SRD5A2: variants seen among roughly 807,000 people sequenced by gnomAD.
SRD5A2 encodes steroid 5 alpha-reductase 2, also known as 3-oxo-5-alpha-steroid 4-dehydrogenase 2.
In SRD5A2, 30 loss-of-function variants were observed where a neutral mutation model predicts 27.4. The observed-to-expected ratio is 1.10, with a 90% CI of 0.82 to 1.49. SRD5A2 has a LOEUF of 1.49. SRD5A2 is among the 40% of genes most tolerant of loss of function. The pLI, the probability that SRD5A2 is intolerant of heterozygous loss-of-function variation, is 0.00. For synonymous variants in SRD5A2, 141 were observed against 133.6 expected (o/e 1.06, Z -0.38); for missense variants, 348 against 323.4 (o/e 1.08, Z -0.58).
At chr2:31,619,782 G>A in the SRD5A2 span, among the ~76,000 whole-genome samples, 1 of 151,674 alleles carries the variant, frequency 6.6e-6, no homozygotes, top group South Asian at 2.1e-4. Flanking sequence ...TTTTTTATGG[G>A]GTTGTTTGTT....
the SRD5A2 span, among the ~76,000 whole-genome samples, chr2:31,658,487 G>A: frequency 1.3e-5 from 2 of 151,652 alleles, no homozygotes; most frequent in East Asian, 3.9e-4. Context: ...TAAAGAAAAG[G>A]AGAAAGAAGA....
intron 1 of SRD5A2, among the ~76,000 whole-genome samples, chr2:31,547,570 T>C (rs1456127205): frequency 6.6e-6 from 1 of 152,274 alleles, no homozygotes; most frequent in Non-Finnish European, 1.5e-5. Context: ...ACATGGGCTA[T>C]ATACCATGGT....
chr2:31,579,949 G>C (rs1231082306), intron 1 of SRD5A2, among the ~76,000 whole-genome samples: 1 of 152,226 alleles, frequency 6.6e-6, no homozygotes, highest in African/African-American at 2.4e-5. Flanking sequence ...TGGAAAGGTA[G>C]ATGAATTGGT....
the SRD5A2 span, among the ~76,000 whole-genome samples, chr2:31,661,692 T>C: frequency 4.6e-5 from 7 of 152,202 alleles, no homozygotes; most frequent in Non-Finnish European, 8.8e-5. Flanking sequence ...TCCAAGACTC[T>C]TGGATCATAG....
the SRD5A2 span, among the ~76,000 whole-genome samples, chr2:31,589,163 G>C: frequency 6.6e-6 from 1 of 152,118 alleles, no homozygotes; most frequent in East Asian, 1.9e-4. Flanking sequence ...AACAGATTTA[G>C]GATGCCAAGC....
Position 31,526,104 on chromosome 2 carries a change from C to T in SRD5A2, c.*92G>A, listed in dbSNP as rs1055645201. On this transcript the variant is annotated 3_prime_UTR_variant, in exon 5 of 5. Transcript: ENST00000622030. ...CAGGAGACCTACTATTACATATATA[C>T]GGGACTATTATATCATGAAAATTAC... The T allele has an allele frequency of 2.7e-4, 217 of 797,392 alleles. 8 individuals are homozygous for T. Among genetic ancestry groups the T allele is most frequent in the African/African-American group, 1.7e-3 (90 of 51,730 alleles). 49.4% of individuals were successfully genotyped at this position (797,392 alleles called of 1,614,324 possible).
chr2:31,586,503 A>T, the SRD5A2 span, among the ~76,000 whole-genome samples: 6 of 151,988 alleles, frequency 3.9e-5, no homozygotes, highest in East Asian at 1.9e-4. Flanking sequence ...TGGTGTCCTC[A>T]GGGGTGCTGG....
chr2:31,596,668 CA>C, the SRD5A2 span, among the ~76,000 whole-genome samples: 1 of 152,080 alleles, frequency 6.6e-6, no homozygotes, highest in Non-Finnish European at 1.5e-5. Context: ...TTAATGTCCA[CA>C]AATCAGTAGC....
chr2:31,593,353 C>T, the SRD5A2 span, among the ~76,000 whole-genome samples: 1 of 151,962 alleles, frequency 6.6e-6, no homozygotes, highest in Non-Finnish European at 1.5e-5. Context: ...ACAATCACAA[C>T]TTCTTGAAAT....
intron 1 of SRD5A2, among the ~76,000 whole-genome samples, chr2:31,574,060 G>A (rs1283665965): frequency 1.3e-5 from 2 of 152,142 alleles, no homozygotes; most frequent in Admixed American, 6.5e-5. Flanking sequence ...CAGGCACTAG[G>A]GCCCTCTCAG....
intron 1 of SRD5A2, among the ~76,000 whole-genome samples, chr2:31,535,776 A>G (rs1278039115): frequency 1.3e-5 from 2 of 152,214 alleles, no homozygotes; most frequent in Non-Finnish European, 2.9e-5. Flanking sequence ...AAGAGAAAGG[A>G]AATTGAGTCT....
the SRD5A2 span, among the ~76,000 whole-genome samples, chr2:31,599,794 C>G: frequency 6.6e-6 from 1 of 151,704 alleles, no homozygotes; most frequent in East Asian, 1.9e-4. Context: ...AATATCAGAG[C>G]TGAAATAAAT....
chr2:31,651,415 C>A, the SRD5A2 span: 1 of 231,450 alleles, frequency 4.3e-6, no homozygotes, highest in South Asian at 8.3e-5. Context: ...CTGACATGTC[C>A]AAATGGGGTA....
the SRD5A2 span, among the ~76,000 whole-genome samples, chr2:31,595,720 C>G: frequency 1.6e-4 from 25 of 152,106 alleles, no homozygotes; most frequent in African/African-American, 6.0e-4. Flanking sequence ...CAGTATTACC[C>G]TATCACCAAG....
chr2:31,542,908 G>A (rs546689443), intron 1 of SRD5A2, among the ~76,000 whole-genome samples: 109 of 152,012 alleles, frequency 7.2e-4, no homozygotes, highest in Non-Finnish European at 1.2e-3. Context: ...AAAATTCTTC[G>A]AATTTGAAAA....
intron 1 of SRD5A2, among the ~76,000 whole-genome samples, chr2:31,571,841 T>A (rs193117603): frequency 3.3e-5 from 5 of 152,268 alleles, no homozygotes; most frequent in Middle Eastern, 3.4e-3. Flanking sequence ...TCAATCAGAA[T>A]AGCTACTATT....
chr2:31,570,777 T>C (rs759426667), intron 1 of SRD5A2, among the ~76,000 whole-genome samples: 28 of 152,248 alleles, frequency 1.8e-4, no homozygotes, highest in Admixed American at 2.0e-4. Flanking sequence ...CCATTCATGA[T>C]TGCAGCAAAG....
At chr2:31,613,138 A>G in the SRD5A2 span, among the ~76,000 whole-genome samples, 4 of 152,368 alleles carry the variant, frequency 2.6e-5, no homozygotes, top group Non-Finnish European at 5.9e-5. Context: ...CTCCAAAAGT[A>G]CATGAAACAG....
At chr2:31,610,806 A>G in the SRD5A2 span, among the ~76,000 whole-genome samples, 1 of 152,212 alleles carries the variant, frequency 6.6e-6, no homozygotes, top group Non-Finnish European at 1.5e-5. Context: ...TTACAAAATC[A>G]ACATACAAAA....
Sources: allele counts gnomAD v4.1 joint callset (sites outside exome capture counted in the v4.1 genomes callset), GRCh38; gene constraint gnomAD v4.1.1; transcripts MANE v1.5; gene names NCBI Gene and HGNC (gene_info 2026-07-23, HGNC 2026-07-21).